Variants in BLM observed in about 807,000 individuals in gnomAD.
The protein encoded by BLM is BLM RecQ like helicase.
Under a neutral mutation model 135.3 loss-of-function variants are expected in BLM, and 95 were observed. That is an observed-to-expected ratio of 0.70 (90% CI 0.59 to 0.83). The LOEUF (loss-of-function observed/expected upper bound fraction) is 0.83. Ranked by LOEUF, BLM falls within the 40% of genes least tolerant of loss-of-function variation. The probability of loss-of-function intolerance (pLI) is 0.00; values close to 1 mark genes in which losing one functional copy is unlikely to be tolerated. For missense variants in BLM, 1,518 were observed against 1,663.9 expected (o/e 0.91, Z 1.53); for synonymous variants, 520 against 589.2 (o/e 0.88, Z 1.70).
intron 5 of BLM, among the ~76,000 whole-genome samples, chr15:90,758,863 G>T (rs1462005689): frequency 6.6e-6 from 1 of 152,146 alleles, no homozygotes; most frequent in Admixed American, 6.5e-5. Flanking sequence ...GCCTACTGAG[G>T]GAGTGGGAAG....
intron 1 of BLM, among the ~76,000 whole-genome samples, chr15:90,738,961 G>T (rs763260549): frequency 6.6e-6 from 1 of 152,184 alleles, no homozygotes; most frequent in Non-Finnish European, 1.5e-5. Context: ...ATATGATTCA[G>T]CAATTCTCAA....
intron 8 of BLM, 46 bp downstream of exon 8, chr15:90,763,203 T>G: frequency 6.3e-7 from 1 of 1,589,990 alleles, no homozygotes; most frequent in Middle Eastern, 1.7e-4. Context: ...TTGGCAGATG[T>G]TAAATGAAAG....
chr15:90,788,478 T>G (rs200584657), intron 14 of BLM, among the ~76,000 whole-genome samples: 1,808 of 119,466 alleles, frequency 0.015, 6 homozygotes, highest in African/African-American at 0.033. Context: ...TTTGTTTTTT[T>G]TTTTTTTTTT....
In BLM at chr15:90,797,410, A is replaced by T. The variant is rs550524878; in HGVS notation, c.3211-780A>T. 1.2e-4 allele frequency among the ~76,000 whole-genome samples: 12 copies of T among 100,966 alleles called. No individual in the cohort carries two copies. The South Asian group carries it at 4.2e-3, about 35-fold the overall frequency. The allele number at this position is 100,966 out of a possible 152,430, so 66.2% of individuals were successfully genotyped here. ...CAGCCTGGGCGACGAGCGAAACTCCATCTCAAAAAAAAAAAAAAAAAAAAA... is the reference window on the plus strand; with the variant it reads ...CAGCCTGGGCGACGAGCGAAACTCCTTCTCAAAAAAAAAAAAAAAAAAAAA... On this transcript the variant is annotated intron_variant, in intron 16 of 21. Coordinates refer to ENST00000355112, the MANE Select transcript of BLM (RefSeq NM_000057.4).
intron 14 of BLM, among the ~76,000 whole-genome samples, chr15:90,787,825 C>A (rs1896791720): frequency 6.6e-6 from 1 of 152,080 alleles, no homozygotes; most frequent in Non-Finnish European, 1.5e-5. Context: ...TGATGGGCAT[C>A]TGTAGTCCCA....
chr15:90,742,793 A>G (rs774858847), intron 1 of BLM, among the ~76,000 whole-genome samples: 4 of 149,448 alleles, frequency 2.7e-5, no homozygotes, highest in Non-Finnish European at 5.9e-5. Flanking sequence ...GTGCCACCTC[A>G]CTCAGCTAAT....
intron 1 of BLM, among the ~76,000 whole-genome samples, chr15:90,728,105 C>G: frequency 6.6e-6 from 1 of 151,976 alleles, no homozygotes; most frequent in South Asian, 2.1e-4. Flanking sequence ...GGTGCAATCA[C>G]AGCTTACTGC....
At chr15:90,740,368 A>G (rs975500432) in intron 1 of BLM, among the ~76,000 whole-genome samples, 4 of 152,170 alleles carry the variant, frequency 2.6e-5, no homozygotes, top group Non-Finnish European at 5.9e-5. Flanking sequence ...TTCACTTAAC[A>G]TAATGGTTTC....
At chr15:90,766,055 G>T (rs570194217) in intron 9 of BLM, among the ~76,000 whole-genome samples, 4 of 152,262 alleles carry the variant, frequency 2.6e-5, no homozygotes, top group South Asian at 4.1e-4. Flanking sequence ...GCTGCAGTGG[G>T]TCATGATCAT....
At chr15:90,794,402 C>G (rs763702586) in intron 16 of BLM, 45 bp downstream of exon 16, 41 of 1,388,466 alleles carry the variant, frequency 3.0e-5, no homozygotes, top group Non-Finnish European at 3.6e-5. Context: ...AATTTTTTTT[C>G]TCTTACTTTA....
At position 90,769,581 on chromosome 15, in the gene BLM, T is replaced by C. The variant is rs749718344; in HGVS notation, c.2550T>C (p.Pro850=). The C allele has an allele frequency of 1.2e-6, 2 of 1,613,704 alleles. No homozygotes were observed. The highest frequency in any genetic ancestry group is 1.3e-5 in the African/African-American group (1 of 74,894). The change falls in exon 12 of 22, where the codon CCT becomes CCC. Residue 850 remains proline, a synonymous_variant. Transcript: ENST00000355112. ...TGACTCAGCTGAAGATTCTCAGACC[T>C]CAGGTGTAAGTTGTTGCACGTCACG... The part of the protein sequence containing the change: ...DILTQLKILR[P]QVFSMSFNRH...
chr15:90,724,595 C>G (rs1336838981), intron 1 of BLM, among the ~76,000 whole-genome samples: 1 of 152,168 alleles, frequency 6.6e-6, no homozygotes, highest in South Asian at 2.1e-4. Flanking sequence ...ACTACAAGCA[C>G]AAGTGGTAAG....
At chr15:90,807,077 G>A (rs959675783) in intron 19 of BLM, among the ~76,000 whole-genome samples, 3 of 152,232 alleles carry the variant, frequency 2.0e-5, no homozygotes, top group Admixed American at 6.5e-5. Flanking sequence ...TGACTGAGTC[G>A]TCCATGTCTT....
chr15:90,767,494 G>A (rs1344947603), intron 10 of BLM, among the ~76,000 whole-genome samples: 1 of 152,108 alleles, frequency 6.6e-6, no homozygotes, highest in Non-Finnish European at 1.5e-5. Flanking sequence ...TATCTTTCGT[G>A]ATTTTGAAGT....
intron 17 of BLM, among the ~76,000 whole-genome samples, chr15:90,803,308 TA>T (rs1281553644): frequency 2.0e-5 from 3 of 152,176 alleles, no homozygotes; most frequent in Non-Finnish European, 4.4e-5. Context: ...TGTCCATGTG[TA>T]TTGTAAAAAG....
At position 90,749,662 on chromosome 15, in the gene BLM, C is replaced by T. The variant is rs765089689; in HGVS notation, c.394C>T (p.Arg132Trp). ...TQNTPTVKKSRDTALKKLEFS... is the reference protein window; with the variant it reads ...TQNTPTVKKSWDTALKKLEFS... ...AAACACACCAACTGTAAAGAAATCCCGGGATACTGCTCTCAAGAAATTAGA... is the reference window on the plus strand; with the variant it reads ...AAACACACCAACTGTAAAGAAATCCTGGGATACTGCTCTCAAGAAATTAGA... Residue 132 changes from arginine (R) to tryptophan (W), a missense_variant, in exon 3 of 22, where the codon CGG (arginine) becomes TGG (tryptophan). Arg to Trp is a moderately radical substitution (Grantham distance 101). This residue lies in a region of BLM where 724 missense variants were observed against 756.9 expected (regional missense o/e 0.96). Coordinates refer to ENST00000355112, the MANE Select transcript of BLM (RefSeq NM_000057.4). 1.8e-5 allele frequency: 29 copies of T among 1,613,960 alleles called. No homozygotes were observed. The East Asian group carries it at 2.2e-4, about 12-fold the overall frequency.
rs1320368533 is a variant in BLM, at chr15:90,793,897, A to C, written c.3020-270A>C. 3.0e-5 allele frequency: 7 copies of C among 234,692 alleles called. No individual in the cohort carries two copies. In the Admixed American group the frequency reaches 3.3e-4, roughly 11 times the overall value. The allele number at this position is 234,692 out of a possible 1,614,324, so 14.5% of individuals were successfully genotyped here. A position where few individuals can be genotyped will look rare whatever the true frequency, so the allele number is the denominator to read the frequency against. ...CAGTTCGGTGGATGCTCGACTGATA[A>C]ATACAGCAAATATAAGTCAAACCAT... is the stretch of plus-strand genomic sequence containing the variant. On this transcript the variant is annotated intron_variant, in intron 15 of 21. Transcript: ENST00000355112.
chr15:90,750,496 C>T (rs1895653473), intron 3 of BLM, among the ~76,000 whole-genome samples: 2 of 152,160 alleles, frequency 1.3e-5, no homozygotes, highest in Non-Finnish European at 2.9e-5. Flanking sequence ...TAACAGCAAC[C>T]CAGGTGGACA....
chr15:90,748,229 C>T (rs1011827479), intron 2 of BLM, among the ~76,000 whole-genome samples: 13 of 152,078 alleles, frequency 8.5e-5, no homozygotes. Flanking sequence ...CTGCCTCAGC[C>T]TCCCAAGTAG....
Sources: allele counts gnomAD v4.1 joint callset (sites outside exome capture counted in the v4.1 genomes callset), GRCh38; gene constraint gnomAD v4.1.1; regional missense constraint gnomAD v4.1.1; transcripts MANE v1.5; gene names NCBI Gene and HGNC (gene_info 2026-07-23, HGNC 2026-07-21).